The following AGAP1 variants were observed in gnomAD, a reference collection of about 807,000 sequenced individuals.
AGAP1 encodes arf-GAP with GTPase, ANK repeat and PH domain-containing protein 1.
AGAP1 carries 29 observed loss-of-function variants against 105.3 expected under a neutral mutation model. That is an observed-to-expected ratio of 0.28 (90% CI 0.21 to 0.38). AGAP1 has a LOEUF of 0.38. AGAP1 is among the 10% of genes least tolerant of loss of function. AGAP1 has a pLI of 1.00. For missense variants in AGAP1, 998 were observed against 1,165.1 expected, an observed-to-expected ratio of 0.86 and a Z score of 2.09; for synonymous variants, 509 against 485.9, an observed-to-expected ratio of 1.05 and a Z score of -0.63.
chr2:235,940,488 G>A (rs918455314), intron 12 of AGAP1, among the ~76,000 whole-genome samples: 6 of 152,264 alleles, frequency 3.9e-5, no homozygotes, highest in South Asian at 2.1e-4. Flanking sequence ...GGCTCCAGCC[G>A]GCGGCTTTGC....
At chr2:236,043,476 C>A in intron 15 of AGAP1, among the ~76,000 whole-genome samples, 1 of 152,166 alleles carries the variant, frequency 6.6e-6, no homozygotes, top group East Asian at 1.9e-4. Context: ...CCTGTAATCC[C>A]AGCACTTTGG....
intron 1 of AGAP1, among the ~76,000 whole-genome samples, chr2:235,536,626 T>TACAC (rs1943242103): frequency 4.7e-5 from 3 of 63,320 alleles, no homozygotes; most frequent in Admixed American, 3.7e-4. Context: ...TGTCGCATCC[T>TACAC]TCACACACAC....
At position 235,566,513 on chromosome 2, in the gene AGAP1, C is replaced by T; in HGVS notation, c.163+71664C>T. On this transcript the variant is annotated intron_variant, in intron 1 of 17. Coordinates refer to ENST00000304032, the MANE Select transcript of AGAP1 (RefSeq NM_001037131.3). The surrounding 1 kb of genome is among the most constrained non-coding windows in gnomAD (Gnocchi z 5.2). ...ATAAGCATTCATAAACAGTGAAAAGCACAAATCATCAGTGCGCCGTACGTT... is the reference window on the plus strand; with the variant it reads ...ATAAGCATTCATAAACAGTGAAAAGTACAAATCATCAGTGCGCCGTACGTT... The T allele has an allele frequency of 1.1e-6, 1 of 918,330 alleles. No homozygotes were observed. 56.9% of individuals were successfully genotyped at this position (918,330 alleles called of 1,614,324 possible).
chr2:235,772,366 C>T (rs1337270499), intron 6 of AGAP1, among the ~76,000 whole-genome samples: 1 of 152,148 alleles, frequency 6.6e-6, no homozygotes, highest in Non-Finnish European at 1.5e-5. Flanking sequence ...CACTGAGAAA[C>T]TCTGATTTCT....
At chr2:235,984,738 A>T (rs1216355950) in intron 13 of AGAP1, among the ~76,000 whole-genome samples, 2 of 152,066 alleles carry the variant, frequency 1.3e-5, no homozygotes. Context: ...TCGCCGAGGA[A>T]GATGGCTTCC....
intron 13 of AGAP1, among the ~76,000 whole-genome samples, chr2:235,987,846 G>T (rs2055386429): frequency 6.6e-6 from 1 of 152,008 alleles, no homozygotes; most frequent in African/African-American, 2.4e-5. Flanking sequence ...ACATCATTCT[G>T]TGACTTCACC....
chr2:235,589,189 G>GTT (rs1205771315), intron 1 of AGAP1, among the ~76,000 whole-genome samples: 910 of 54,854 alleles, frequency 0.017, 135 homozygotes, highest in Middle Eastern at 0.031. Flanking sequence ...ATAGCTTATT[G>GTT]TTTTGTTTTT....
chr2:235,511,708 A>C (rs1181976572), intron 1 of AGAP1, among the ~76,000 whole-genome samples: 2 of 152,068 alleles, frequency 1.3e-5, no homozygotes, highest in African/African-American at 4.8e-5. Flanking sequence ...TTCCCCTGGC[A>C]GTTCTTCTAT....
At chr2:235,886,269 T>C (rs1015496274) in intron 10 of AGAP1, among the ~76,000 whole-genome samples, 1 of 152,238 alleles carries the variant, frequency 6.6e-6, no homozygotes, top group Non-Finnish European at 1.5e-5. Context: ...TCATTCTTGG[T>C]AAGACTCACT....
chr2:235,947,268 C>G (rs2053542322), intron 12 of AGAP1, among the ~76,000 whole-genome samples: 2 of 152,248 alleles, frequency 1.3e-5, no homozygotes, highest in South Asian at 2.1e-4. Context: ...TTGTATCACT[C>G]TTACGCCTTT....
intron 1 of AGAP1, among the ~76,000 whole-genome samples, chr2:235,547,339 T>TA (rs924404292): frequency 2.0e-5 from 3 of 151,858 alleles, no homozygotes; most frequent in African/African-American, 7.3e-5. Context: ...CAGGCAGTAA[T>TA]ATGCTGCTTA....
intron 6 of AGAP1, among the ~76,000 whole-genome samples, chr2:235,778,465 T>A (rs1358334522): frequency 6.6e-6 from 1 of 152,186 alleles, no homozygotes; most frequent in South Asian, 2.1e-4. Context: ...AGAGTCCCTG[T>A]CCTCATGCTT....
chr2:235,875,592 G>A lies in AGAP1; in HGVS notation c.1051-7753G>A, dbSNP rs1309455242. Among the ~76,000 whole-genome samples, 1 of 152,134 alleles carries A rather than the reference G, an allele frequency of 6.6e-6. No individual in the cohort carries two copies. The highest frequency in any genetic ancestry group is 1.5e-5 in the Non-Finnish European group (1 of 68,026). On this transcript the variant is annotated intron_variant, in intron 9 of 17. Transcript: ENST00000304032. This position sits in a 1 kb window ranked among gnomAD's most constrained non-coding sequence, Gnocchi z 4.0. Reference sequence around the variant, plus strand: ...TTCCCAGCACGTTTCCTGAGGTTCCGCCTGCAGCCCGGGCCTGTGGTGGAG... The same window carrying A: ...TTCCCAGCACGTTTCCTGAGGTTCCACCTGCAGCCCGGGCCTGTGGTGGAG...
chr2:236,013,252 T>G lies in AGAP1; in HGVS notation c.1646-23309T>G, dbSNP rs536713061. Among the ~76,000 whole-genome samples the G allele has an allele frequency of 6.6e-5, 10 of 152,348 alleles. No homozygotes were observed. In the South Asian group the frequency reaches 1.9e-3, roughly 28 times the overall value. On this transcript the variant is annotated intron_variant, in intron 13 of 17. Transcript: ENST00000304032. ...TCTCGCGTATGTTTTGTGTTGTCTC[T>G]ACAAAGAAATCCAGTGTAGTTAGAA...
chr2:235,796,082 C>T (rs1451057175), intron 6 of AGAP1, among the ~76,000 whole-genome samples: 1 of 152,180 alleles, frequency 6.6e-6, no homozygotes, highest in Non-Finnish European at 1.5e-5. Flanking sequence ...AATGTAAAGT[C>T]AGTGTGGCCA....
At chr2:235,768,021 A>G (rs547134041) in intron 6 of AGAP1, among the ~76,000 whole-genome samples, 3 of 152,158 alleles carry the variant, frequency 2.0e-5, no homozygotes, top group Admixed American at 1.3e-4. Flanking sequence ...TCCTGGCCTC[A>G]GCCATTCCAC....
rs370058025 is a variant in AGAP1, at chr2:235,631,144, G to A, written c.164-78035G>A. ...CACACTCAGGGAAAATCCACAGGAC[G>A]AGGGCTGATGTTAGCAGGGTTCATT... On this transcript the variant is annotated intron_variant, in intron 1 of 17. Transcript: ENST00000304032. This position sits in a 1 kb window ranked among gnomAD's most constrained non-coding sequence, Gnocchi z 5.4. Among the ~76,000 whole-genome samples, 9 of 152,284 alleles carry A rather than the reference G, an allele frequency of 5.9e-5. No homozygotes were observed. Among genetic ancestry groups the A allele is most frequent in the African/African-American group, 1.9e-4 (8 of 41,552 alleles).
chr2:236,002,506 T>C lies in AGAP1; in HGVS notation c.1645+33883T>C, dbSNP rs76974194. On this transcript the variant is annotated intron_variant, in intron 13 of 17. Coordinates refer to ENST00000304032, the MANE Select transcript of AGAP1 (RefSeq NM_001037131.3). This position sits in a 1 kb window ranked among gnomAD's most constrained non-coding sequence, Gnocchi z 4.3. ...ACAAAAGAGACATGAAACAAATATG[T>C]TAACAAGTAATGTTGCTCCCTCTCA... is the stretch of plus-strand genomic sequence containing the variant. Among the ~76,000 whole-genome samples, 2,608 of 152,340 alleles carry C rather than the reference T, an allele frequency of 0.017. 26 individuals carry two copies. Among genetic ancestry groups the C allele is most frequent in the Non-Finnish European group, 0.027 (1,804 of 68,022 alleles).
intron 1 of AGAP1, among the ~76,000 whole-genome samples, chr2:235,546,720 A>G (rs985350249): frequency 6.6e-6 from 1 of 152,214 alleles, no homozygotes; most frequent in Non-Finnish European, 1.5e-5. Context: ...CCAGAACCAC[A>G]TGAATGACCT....
Sources: allele counts gnomAD v4.1 joint callset (sites outside exome capture counted in the v4.1 genomes callset), GRCh38; gene constraint gnomAD v4.1.1; non-coding constraint Gnocchi (gnomAD v3.1); transcripts MANE v1.5; gene names NCBI Gene and HGNC (gene_info 2026-07-23, HGNC 2026-07-21).